The following PLCL2 variants were observed in gnomAD, a reference collection of about 807,000 sequenced individuals.
PLCL2 encodes phospholipase C like 2, also known as inactive phospholipase C-like protein 2.
Under a neutral mutation model 79.6 loss-of-function variants are expected in PLCL2, and 4 were observed. The ratio of observed to expected loss-of-function variants is 0.05; its 90% CI spans 0.02 to 0.11. The LOEUF is 0.11. PLCL2 is among the 10% of genes least tolerant of loss of function. The pLI is 1.00. For missense variants in PLCL2, 895 were observed against 1,291.0 expected, an observed-to-expected ratio of 0.69 and a Z score of 4.70; for synonymous variants, 484 against 457.7, an observed-to-expected ratio of 1.06 and a Z score of -0.73.
Position 17,088,487 on chromosome 3 carries a change from G to GA in PLCL2, c.3205-1240dup, listed in dbSNP as rs1202538023. Among the ~76,000 whole-genome samples, 8 of 152,188 alleles carry GA rather than the reference G, an allele frequency of 5.3e-5. No individual in the cohort carries two copies. In the South Asian group the frequency reaches 6.2e-4, roughly 12 times the overall value. Reference sequence around the variant, plus strand: ...AGAAGAAAAGGTAATAGTGTAAGTAGAAAAAACTGTTAGTGGAAGGCAGGT... The same window carrying GA: ...AGAAGAAAAGGTAATAGTGTAAGTAGAAAAAAACTGTTAGTGGAAGGCAGGT... On this transcript the variant is annotated intron_variant, in intron 5 of 5. Transcript: ENST00000615277.
intron 1 of PLCL2, among the ~76,000 whole-genome samples, chr3:16,957,872 A>C (rs902234041): frequency 5.9e-5 from 9 of 151,462 alleles, no homozygotes; most frequent in African/African-American, 2.2e-4. Context: ...TTTGTTTTCC[A>C]TTTGCTTGGT....
chr3:17,088,133 C>T (rs1310566158), intron 5 of PLCL2, among the ~76,000 whole-genome samples: 2 of 152,152 alleles, frequency 1.3e-5, no homozygotes, highest in African/African-American at 4.8e-5. Context: ...AAGTGGTAGG[C>T]AGCAAACTGT....
chr3:16,921,768 AC>A (rs1033413237), intron 1 of PLCL2, among the ~76,000 whole-genome samples: 1 of 152,136 alleles, frequency 6.6e-6, no homozygotes, highest in African/African-American at 2.4e-5. Flanking sequence ...GATCTTTATA[AC>A]CACCACCTTT....
chr3:16,911,050 C>T (rs1310533636), intron 1 of PLCL2, among the ~76,000 whole-genome samples: 13 of 152,024 alleles, frequency 8.6e-5, no homozygotes, highest in Non-Finnish European at 1.5e-4. Context: ...GCCAGGAGTT[C>T]GAGACCAACC....
At chr3:17,080,791 G>C (rs1168556853) in intron 5 of PLCL2, among the ~76,000 whole-genome samples, 1 of 152,222 alleles carries the variant, frequency 6.6e-6, no homozygotes. Flanking sequence ...CAAACACACA[G>C]TGGAAATCCA....
At chr3:17,029,502 A>G (rs1448486199) in intron 3 of PLCL2, among the ~76,000 whole-genome samples, 1 of 152,112 alleles carries the variant, frequency 6.6e-6, no homozygotes, top group Non-Finnish European at 1.5e-5. Flanking sequence ...AACATCCCTC[A>G]TATGTGTACA....
At chr3:16,927,392 A>G (rs1431409788) in intron 1 of PLCL2, among the ~76,000 whole-genome samples, 1 of 152,276 alleles carries the variant, frequency 6.6e-6, no homozygotes, top group Admixed American at 6.5e-5. Context: ...AAATATGACA[A>G]TAGGCAAGAA....
At chr3:17,028,159 A>T (rs1156324409) in intron 3 of PLCL2, among the ~76,000 whole-genome samples, 1 of 152,000 alleles carries the variant, frequency 6.6e-6, no homozygotes, top group Admixed American at 6.5e-5. Flanking sequence ...GAGAGAAGGG[A>T]ATTGGGTAGA....
intron 4 of PLCL2, among the ~76,000 whole-genome samples, chr3:17,065,479 G>C (rs1039643002): frequency 2.0e-5 from 3 of 152,092 alleles, no homozygotes; most frequent in Non-Finnish European, 4.4e-5. Flanking sequence ...CCCTTCTTCT[G>C]CTGTTCCATA....
At chr3:17,069,518 T>C (rs986949417) in intron 5 of PLCL2, among the ~76,000 whole-genome samples, 4 of 152,118 alleles carry the variant, frequency 2.6e-5, no homozygotes, top group Admixed American at 1.3e-4. Flanking sequence ...AGATATGTGG[T>C]GGGGGTGGTC....
intron 3 of PLCL2, among the ~76,000 whole-genome samples, chr3:17,029,569 TAGTC>T (rs780797425): frequency 4.6e-5 from 7 of 152,120 alleles, no homozygotes; most frequent in Non-Finnish European, 8.8e-5. Flanking sequence ...CATGAGCTAA[TAGTC>T]AGAGGCTGTG....
chr3:16,968,532 A>G (rs1294701388), intron 1 of PLCL2, among the ~76,000 whole-genome samples: 2 of 151,988 alleles, frequency 1.3e-5, no homozygotes, highest in African/African-American at 4.8e-5. Context: ...TTTTGTGGCT[A>G]TTGTGAATAG....
intron 1 of PLCL2, among the ~76,000 whole-genome samples, chr3:16,934,647 G>A (rs1323555407): frequency 6.6e-6 from 1 of 152,178 alleles, no homozygotes; most frequent in Admixed American, 6.5e-5. Flanking sequence ...CCTGCCAGGT[G>A]GAGAGTAAAC....
rs1415583388 is a variant in PLCL2, at chr3:17,011,233, G to A, written c.1887G>A (p.Gln629=). Residue 629 remains glutamine, a synonymous_variant, in exon 2 of 6, where the codon CAG becomes CAA. Transcript: ENST00000615277. This position sits in a 1 kb window ranked among gnomAD's most constrained non-coding sequence, Gnocchi z 7.9. The part of the protein sequence containing the change: ...SELVSICKSV[Q]FKEFQVSFQV... ...TGGTCAGCATCTGCAAATCAGTTCAGTTCAAAGAATTTCAGGTGTCGTTTC... is the reference window on the plus strand; with the variant it reads ...TGGTCAGCATCTGCAAATCAGTTCAATTCAAAGAATTTCAGGTGTCGTTTC... The A allele has an allele frequency of 1.9e-6, 3 of 1,614,114 alleles. No homozygotes were observed. Among genetic ancestry groups the A allele is most frequent in the Admixed American group, 1.7e-5 (1 of 60,008 alleles).
At chr3:16,935,149 G>A (rs1392922167) in intron 1 of PLCL2, among the ~76,000 whole-genome samples, 11 of 152,136 alleles carry the variant, frequency 7.2e-5, no homozygotes, top group Admixed American at 3.3e-4. Context: ...TTGCATTTCT[G>A]TGAGTACTGG....
chr3:16,986,320 T>C (rs1575572043), intron 1 of PLCL2, among the ~76,000 whole-genome samples: 1 of 152,148 alleles, frequency 6.6e-6, no homozygotes, highest in East Asian at 1.9e-4. Flanking sequence ...ACACCATAAT[T>C]ATTCACTATG....
chr3:17,087,193 A>C (rs544256138), intron 5 of PLCL2, among the ~76,000 whole-genome samples: 114 of 152,360 alleles, frequency 7.5e-4, no homozygotes, highest in African/African-American at 2.4e-3. Context: ...TGTCAACACA[A>C]AAATCTGCAT....
intron 5 of PLCL2, among the ~76,000 whole-genome samples, chr3:17,072,498 G>A (rs1045688357): frequency 6.6e-6 from 1 of 151,768 alleles, no homozygotes; most frequent in Non-Finnish European, 1.5e-5. Context: ...ACGAAACCCC[G>A]TCTCTACTGA....
At chr3:16,896,432 TCACTGCAGTCATCTTA>T (rs1696481786) in intron 1 of PLCL2, among the ~76,000 whole-genome samples, 1 of 152,228 alleles carries the variant, frequency 6.6e-6, no homozygotes, top group Non-Finnish European at 1.5e-5. Context: ...AGTGTGTTGG[TCACTGCAGTCATCTTA>T]CACTGCAGTC....
Sources: gnomAD v4.1 joint callset for allele counts (sites outside exome capture counted in the v4.1 genomes callset) on GRCh38, gnomAD v4.1.1 for gene constraint, Gnocchi (gnomAD v3.1) non-coding constraint, MANE v1.5 for transcripts, NCBI Gene and HGNC (gene_info 2026-07-23, HGNC 2026-07-21) for gene names.